The following SPG11 variants were observed in gnomAD, a reference collection of about 807,000 sequenced individuals.
SPG11 encodes spatacsin.
SPG11 carries 222 observed loss-of-function variants against 274.0 expected under a neutral mutation model. The observed-to-expected ratio is 0.81, with a 90% CI of 0.73 to 0.91. The LOEUF is 0.91. Among genes scored for constraint, SPG11 ranks in the 40% least tolerant of loss-of-function variants. SPG11 has a pLI of 0.00. For missense variants in SPG11, 3,114 were observed against 2,872.7 expected (o/e 1.08, Z -1.92); for synonymous variants, 1,144 against 1,039.7 (o/e 1.10, Z -1.93).
chr15:44,569,883 A>C (rs552535009), intron 34 of SPG11, among the ~76,000 whole-genome samples: 2 of 151,992 alleles, frequency 1.3e-5, no homozygotes, highest in Admixed American at 6.6e-5. Context: ...TGCCTGGCTA[A>C]TTTTTGTAGA....
chr15:44,640,225 A>G (rs1290118155), intron 7 of SPG11, among the ~76,000 whole-genome samples: 1 of 152,178 alleles, frequency 6.6e-6, no homozygotes, highest in Non-Finnish European at 1.5e-5. Context: ...AAACAAAAAC[A>G]AAAACACTTA....
At chr15:44,615,332 G>T in intron 16 of SPG11, 31 bp downstream of exon 16, 1 of 1,603,170 alleles carries the variant, frequency 6.2e-7, no homozygotes, top group Non-Finnish European at 8.5e-7. Flanking sequence ...GTGAAGACCT[G>T]CTCAAGGACA....
At chr15:44,563,351 T>TTTTG in intron 39 of SPG11, 50 bp from the exon 40 acceptor site, 2 of 1,567,618 alleles carry the variant, frequency 1.3e-6, no homozygotes, top group Middle Eastern at 2.2e-4. Flanking sequence ...TTTTGTTTTG[T>TTTTG]TTTGTTTGAG....
chr15:44,630,028 G>A (rs1293749781), intron 8 of SPG11, among the ~76,000 whole-genome samples: 1 of 151,670 alleles, frequency 6.6e-6, no homozygotes, highest in African/African-American at 2.4e-5. Flanking sequence ...CCAAGATTGT[G>A]CCACCGTACT....
rs770468335 is a variant in SPG11 at position 44,621,871 on chromosome 15, A to G, written c.2508T>C (p.Tyr836=). The change falls in exon 14 of 40, where the codon TAT becomes TAC. Residue 836 remains tyrosine (Y), a synonymous_variant. Coordinates refer to ENST00000261866, the MANE Select transcript of SPG11 (RefSeq NM_025137.4). ...GTTTGTTAAATTCATCTTTACAATC[A>G]TATTTCAGGAATGAGTCCAAAACAG... ...HKSVLDSFLK[Y]DCKDEFNKQD... is the part of the protein sequence containing the mutation. The G allele has an allele frequency of 3.7e-6, 6 of 1,613,926 alleles. No individual in the cohort carries two copies. Among genetic ancestry groups the G allele is most frequent in the Non-Finnish European group, 3.4e-6 (4 of 1,179,914 alleles).
intron 30 of SPG11, among the ~76,000 whole-genome samples, chr15:44,576,786 A>G (rs2082548840): frequency 6.6e-6 from 1 of 152,160 alleles, no homozygotes. Context: ...CCAAGCAAGT[A>G]AAAGATAGTT....
chr15:44,617,656 T>C (rs2083623297), intron 15 of SPG11, among the ~76,000 whole-genome samples: 1 of 152,114 alleles, frequency 6.6e-6, no homozygotes, highest in South Asian at 2.1e-4. Context: ...TTTTCAGGGC[T>C]CTTCTTAACC....
At chr15:44,609,642 T>C (rs2083408448) in intron 18 of SPG11, among the ~76,000 whole-genome samples, 1 of 152,018 alleles carries the variant, frequency 6.6e-6, no homozygotes, top group Non-Finnish European at 1.5e-5. Flanking sequence ...CCTAATTGTA[T>C]TCTGAAAACA....
In SPG11 at chr15:44,598,683, G is replaced by A; in HGVS notation, c.3840C>T (p.Ser1280=). The A allele has an allele frequency of 6.2e-7, 1 of 1,614,202 alleles. No individual in the cohort carries two copies. The highest frequency in any genetic ancestry group is 8.5e-7 in the Non-Finnish European group (1 of 1,180,038). ...VDMKVANIIL[S]YKCRNEDAQY... ...GAGCATCTTCATTTCTGCACTTGTA[G>A]CTCAAAATTATATTGGCCACTTTCA... The change falls in exon 22 of 40, where the codon AGC becomes AGT. Residue 1280 remains serine (S), a synonymous_variant. Coordinates refer to ENST00000261866, the MANE Select transcript of SPG11 (RefSeq NM_025137.4).
intron 7 of SPG11, among the ~76,000 whole-genome samples, chr15:44,634,883 T>C (rs2084191837): frequency 6.6e-6 from 1 of 152,272 alleles, no homozygotes; most frequent in South Asian, 2.1e-4. Context: ...CCTGGCTGCA[T>C]TCTATATTTT....
intron 30 of SPG11, among the ~76,000 whole-genome samples, chr15:44,580,231 G>T (rs1402109054): frequency 2.0e-5 from 3 of 152,150 alleles, no homozygotes; most frequent in Admixed American, 2.0e-4. Flanking sequence ...ACAGTAGCAT[G>T]CTGTACTGGC....
chr15:44,572,399 T>A (rs2082442023), intron 33 of SPG11: 2 of 411,178 alleles, frequency 4.9e-6, no homozygotes, highest in Admixed American at 7.1e-5. Context: ...TTGTCTCCCT[T>A]CTAGGGGACA....
At chr15:44,585,953 G>T in intron 28 of SPG11, 103 bp from the exon 29 acceptor site, 76 of 708,752 alleles carry the variant, frequency 1.1e-4, no homozygotes, top group Non-Finnish European at 1.6e-4. Flanking sequence ...GTTTAACATA[G>T]TAATGTGGTT....
intron 3 of SPG11, 48 bp from the exon 4 acceptor site, chr15:44,657,344 A>T: frequency 6.4e-7 from 1 of 1,558,696 alleles, no homozygotes; most frequent in Non-Finnish European, 8.8e-7. Context: ...AGTATGCCTA[A>T]CTATTTAAAG....
chr15:44,584,525 C>A lies in SPG11; in HGVS notation c.5155G>T (p.Glu1719Ter). 1 of 1,612,686 alleles carries A rather than the reference C, an allele frequency of 6.2e-7. No individual in the cohort carries two copies. The highest frequency in any genetic ancestry group is 1.1e-5 in the South Asian group (1 of 91,074). ...CTTGCTTGTTTTAGTGACCACTGTT[C>A]AATGTGTTTTAGGGTCTGCATTTCC... The part of the protein sequence containing the change: ...TQEMQTLKHI[E>*]QWSLKQARID... The change falls in exon 30 of 40, where the codon GAA (glutamate) becomes TAA (stop). Residue 1719 changes from glutamate (E) to a stop codon, truncating the protein, a stop_gained. Transcript: ENST00000261866. LOFTEE classifies it high-confidence loss of function.
Position 44,608,501 on chromosome 15 carries a change from T to A in SPG11, c.3396A>T (p.Pro1132=). Residue 1132 remains proline, a synonymous_variant, in exon 19 of 40, where the codon CCA becomes CCT. Coordinates refer to ENST00000261866, the MANE Select transcript of SPG11 (RefSeq NM_025137.4). The part of the protein sequence containing the change: ...PYPKLKTALF[P]QCTPPSVLPS... ...GCAGGACACTAGGAGGAGTGCACTG[T>A]GGGAAGAGAGCAGTTTTTAGCTTGG... 6.2e-7 allele frequency: 1 copy of A among 1,614,142 alleles called. No homozygotes were observed.
intron 5 of SPG11, 56 bp from the exon 6 acceptor site, chr15:44,651,995 A>G: frequency 5.1e-6 from 8 of 1,579,678 alleles, no homozygotes; most frequent in Non-Finnish European, 6.9e-6. Flanking sequence ...GCACTATGTA[A>G]AACACTAAAC....
intron 33 of SPG11, among the ~76,000 whole-genome samples, chr15:44,572,298 A>C (rs1408930692): frequency 6.6e-6 from 1 of 152,246 alleles, no homozygotes; most frequent in African/African-American, 2.4e-5. Context: ...GTTAGACATT[A>C]TGGAAAATAA....
chr15:44,650,445 G>A (rs183762186), intron 6 of SPG11, among the ~76,000 whole-genome samples: 45 of 152,130 alleles, frequency 3.0e-4, no homozygotes, highest in Admixed American at 2.0e-3. Context: ...TTTGAGGTCA[G>A]GCGTTTCAGA....
Sources: allele counts gnomAD v4.1 joint callset (sites outside exome capture counted in the v4.1 genomes callset), GRCh38; gene constraint gnomAD v4.1.1; transcripts MANE v1.5; gene names NCBI Gene and HGNC (gene_info 2026-07-23, HGNC 2026-07-21).